WDR1: variants seen among roughly 807,000 people sequenced by gnomAD.
WDR1 encodes the protein WD repeat-containing protein 1.
In WDR1, 21 loss-of-function variants were observed where a neutral mutation model predicts 71.9. The observed-to-expected ratio is 0.29, with a 90% CI of 0.21 to 0.42. The LOEUF (loss-of-function observed/expected upper bound fraction) is 0.42. WDR1 is among the 10% of genes least tolerant of loss of function. The pLI is 1.00. For missense variants in WDR1, 696 were observed against 824.5 expected, an observed-to-expected ratio of 0.84 and a Z score of 1.91; for synonymous variants, 424 against 347.4, an observed-to-expected ratio of 1.22 and a Z score of -2.45.
rs762173119 is a variant in WDR1 at position 10,087,878 on chromosome 4, A to T, written c.780T>A (p.Ile260=). 3.1e-5 allele frequency: 48 copies of T among 1,566,028 alleles called. No individual in the cohort carries two copies. The highest frequency in any genetic ancestry group is 3.7e-5 in the Non-Finnish European group (43 of 1,154,522). The change falls in exon 8 of 15, where the codon ATT becomes ATA. Residue 260 remains isoleucine, a synonymous_variant. Transcript: ENST00000499869. ...LSASGDKTSK[I]WDVSVNSVVS... is the part of the protein sequence containing the mutation. ...CCACGGAGTTCACGCTGACGTCCCA[A>T]ATCTTGGAAGTTTTGTCCCCAGAAG...
intron 7 of WDR1, 79 bp downstream of exon 7, chr4:10,088,214 C>T: frequency 7.3e-7 from 1 of 1,373,486 alleles, no homozygotes; most frequent in Non-Finnish European, 1.0e-6. Context: ...TTGTCTAACT[C>T]CGGAGTGAGT....
At chr4:10,100,929 C>G (rs1408577848) in intron 3 of WDR1, among the ~76,000 whole-genome samples, 4 of 152,260 alleles carry the variant, frequency 2.6e-5, no homozygotes, top group Non-Finnish European at 5.9e-5. Context: ...CTGCTATGCT[C>G]AGGCCCATCC....
chr4:10,088,732 G>A lies in WDR1; in HGVS notation c.568C>T (p.Arg190Cys), dbSNP rs1046344594. Residue 190 changes from arginine (R) to cysteine (C), a missense_variant, in exon 6 of 15, where the codon CGC becomes TGC. Physicochemically the swap from Arg to Cys is radical, Grantham distance 180 (BLOSUM62 -3). Transcript: ENST00000499869. ...GAGAATCGCACACAGTTGACAAAGC[G>A]GCTGTGGTCCTGCAGGAAAACAATT... is the stretch of plus-strand genomic sequence containing the variant. The part of the protein sequence containing the change: ...KFKFTIGDHS[R>C]FVNCVRFSPD... The A allele has an allele frequency of 5.0e-6, 8 of 1,600,766 alleles. No individual in the cohort carries two copies. The highest frequency in any genetic ancestry group is 2.7e-5 in the African/African-American group (2 of 74,686).
intron 3 of WDR1, among the ~76,000 whole-genome samples, chr4:10,102,351 T>C (rs928729002): frequency 1.1e-4 from 17 of 152,244 alleles, no homozygotes. Flanking sequence ...GAAAACCATG[T>C]GCTGGAAACT....
chr4:10,108,572 A>G (rs1327614882), intron 2 of WDR1, among the ~76,000 whole-genome samples: 2 of 152,160 alleles, frequency 1.3e-5, no homozygotes, highest in Admixed American at 1.3e-4. Context: ...GGCTTTGTAA[A>G]TACTCCAAGT....
At chr4:10,100,572 G>A (rs966440012) in intron 3 of WDR1, among the ~76,000 whole-genome samples, 6 of 152,240 alleles carry the variant, frequency 3.9e-5, no homozygotes, top group Admixed American at 3.9e-4. Context: ...GGACTGTCCT[G>A]CTCTCAGTCC....
At position 10,087,712 on chromosome 4, in the gene WDR1, T is replaced by C. The variant is rs1184624799; in HGVS notation, c.946A>G (p.Ile316Val). The change falls in exon 8 of 15, where the codon ATC (isoleucine) becomes GTC (valine). Residue 316 changes from isoleucine to valine, a missense_variant. Coordinates refer to ENST00000499869, the MANE Select transcript of WDR1 (RefSeq NM_017491.5). ...TTCCCCAGGGCAGGCCTTACCTTGA[T>C]GACGTGCAGGGGCTTGCTGGGGTTG... is the stretch of plus-strand genomic sequence containing the variant. ...RNNPSKPLHV[I>V]KGHSKSIQCL... The C allele has an allele frequency of 1.3e-6, 2 of 1,589,868 alleles. No homozygotes were observed. Among genetic ancestry groups the C allele is most frequent in the Non-Finnish European group, 1.7e-6 (2 of 1,167,524 alleles).
At chr4:10,083,377 A>G (rs1765088869) in intron 9 of WDR1, among the ~76,000 whole-genome samples, 199 bp from the exon 10 acceptor site, 1 of 152,188 alleles carries the variant, frequency 6.6e-6, no homozygotes, top group South Asian at 2.1e-4. Context: ...GGTGCACCAC[A>G]CAGGGATTGG....
rs1020707294 is a variant in WDR1 at position 10,104,057 on chromosome 4, C to T, written c.139-71G>A. 8 of 1,433,502 alleles carry T rather than the reference C, an allele frequency of 5.6e-6. No individual in the cohort carries two copies. In the Admixed American group the frequency reaches 9.8e-5, roughly 18 times the overall value. 88.8% of individuals were successfully genotyped at this position (1,433,502 alleles called of 1,614,324 possible). A position where few individuals can be genotyped will look rare whatever the true frequency, so the allele number is the denominator to read the frequency against. ...TCAAGCTTCCAGCTCTCCACATCAA[C>T]AGATATGGGGTGAAAGGGGTGTACA... is the stretch of plus-strand genomic sequence containing the variant. On this transcript the variant is annotated intron_variant, in intron 2 of 14. Coordinates refer to ENST00000499869, the MANE Select transcript of WDR1 (RefSeq NM_017491.5).
chr4:10,089,008 GC>G (rs940080876), intron 5 of WDR1, among the ~76,000 whole-genome samples: 1 of 151,860 alleles, frequency 6.6e-6, no homozygotes, highest in Admixed American at 6.6e-5. Flanking sequence ...CTCCAGTTAT[GC>G]CCCCCCCAGT....
chr4:10,106,729 C>G (rs914671214), intron 2 of WDR1, among the ~76,000 whole-genome samples: 5 of 152,244 alleles, frequency 3.3e-5, no homozygotes, highest in African/African-American at 1.2e-4. Context: ...ATCACTCACT[C>G]TCGTTTGTAT....
At chr4:10,092,582 G>T (rs1345518247) in intron 5 of WDR1, 1 of 211,164 alleles carries the variant, frequency 4.7e-6, no homozygotes, top group Non-Finnish European at 9.7e-6. Context: ...CAGGGACACA[G>T]ATGCCCCTCG....
intron 12 of WDR1, 57 bp downstream of exon 12, chr4:10,078,834 C>T (rs1764897291): frequency 2.0e-6 from 3 of 1,468,896 alleles, no homozygotes; most frequent in Non-Finnish European, 2.8e-6. Flanking sequence ...CTCACACTGT[C>T]CCCAAATCAC....
In WDR1 at chr4:10,076,961, A is replaced by C. The variant is rs564354749; in HGVS notation, c.1714+343T>G. 8 of 237,692 alleles carry C rather than the reference A, an allele frequency of 3.4e-5. No homozygotes were observed. The Admixed American group carries it at 4.3e-4, about 13-fold the overall frequency. The allele number at this position is 237,692 out of a possible 1,614,324, so 14.7% of individuals were successfully genotyped here. On this transcript the variant is annotated intron_variant, in intron 14 of 14. Transcript: ENST00000499869. Reference sequence around the variant, plus strand: ...TACCAGGAAATTTCAACGCCACATGAGGCTCACATTATACACTGGACGTGG... The same window carrying C: ...TACCAGGAAATTTCAACGCCACATGCGGCTCACATTATACACTGGACGTGG...
intron 2 of WDR1, 43 bp downstream of exon 2, chr4:10,116,070 G>C (rs753535405): frequency 6.3e-7 from 1 of 1,597,390 alleles, no homozygotes; most frequent in Non-Finnish European, 8.5e-7. Context: ...CCATCCCAAG[G>C]TGGCTCCGGA....
chr4:10,102,110 C>G (rs1044463436), intron 3 of WDR1, among the ~76,000 whole-genome samples: 2 of 152,220 alleles, frequency 1.3e-5, no homozygotes, highest in Non-Finnish European at 2.9e-5. Flanking sequence ...CCGCCTGGCT[C>G]GATCAGAACA....
At chr4:10,109,230 C>T (rs776136501) in intron 2 of WDR1, among the ~76,000 whole-genome samples, 1 of 152,216 alleles carries the variant, frequency 6.6e-6, no homozygotes, top group African/African-American at 2.4e-5. Context: ...TAAGTGGCAG[C>T]GCCAGACCTG....
rs1462792495 is a variant in WDR1 at position 10,080,717 on chromosome 4, G to A, written c.1284+640C>T. Among the ~76,000 whole-genome samples, 3 of 152,196 alleles carry A rather than the reference G, an allele frequency of 2.0e-5. No individual in the cohort carries two copies. In the East Asian group the frequency reaches 5.8e-4, roughly 29 times the overall value. ...TTCTGTATAAAGTGGGTCAGGCTTG[G>A]GTCTCAGGTGGCTTTGGTCCAGATA... On this transcript the variant is annotated intron_variant, in intron 11 of 14. Coordinates refer to ENST00000499869, the MANE Select transcript of WDR1 (RefSeq NM_017491.5).
Position 10,098,973 on chromosome 4 carries a change from G to T in WDR1, c.377+19C>A, listed in dbSNP as rs753880099. Reference sequence around the variant, plus strand: ...AGCCACAGCAACAGGGCAGGGAGGGGCTGAGAGGAGTGACTCACTTCTCCC... The same window carrying T: ...AGCCACAGCAACAGGGCAGGGAGGGTCTGAGAGGAGTGACTCACTTCTCCC... On this transcript the variant is annotated intron_variant, in intron 4 of 14. Coordinates refer to ENST00000499869, the MANE Select transcript of WDR1 (RefSeq NM_017491.5). The T allele has an allele frequency of 6.2e-7, 1 of 1,613,830 alleles. No homozygotes were observed. The highest frequency in any genetic ancestry group is 8.5e-7 in the Non-Finnish European group (1 of 1,179,816).
Sources: allele counts gnomAD v4.1 joint callset (sites outside exome capture counted in the v4.1 genomes callset), GRCh38; gene constraint gnomAD v4.1.1; transcripts MANE v1.5; gene names NCBI Gene and HGNC (gene_info 2026-07-23, HGNC 2026-07-21).